The following RYR1 variants were observed in gnomAD, a reference collection of about 807,000 sequenced individuals.
RYR1 encodes central core disease of muscle.
Under a neutral mutation model 583.5 loss-of-function variants are expected in RYR1, and 342 were observed. The ratio of observed to expected loss-of-function variants is 0.59; its 90% CI spans 0.54 to 0.64. The LOEUF (loss-of-function observed/expected upper bound fraction) is 0.64. RYR1 is among the 30% of genes least tolerant of loss of function. RYR1 has a pLI of 0.00. For synonymous variants in RYR1, 2,791 were observed against 2,822.5 expected, an observed-to-expected ratio of 0.99 and a Z score of 0.35; for missense variants, 6,032 against 6,917.2, an observed-to-expected ratio of 0.87 and a Z score of 4.54.
In RYR1 at chr19:38,565,934, C is replaced by T. The variant is rs1158862411; in HGVS notation, c.13437+163C>T. On this transcript the variant is annotated intron_variant, in intron 91 of 105. Transcript: ENST00000359596. The surrounding 1 kb of genome is among the most constrained non-coding windows in gnomAD (Gnocchi z 4.7). ...CCATGGAGGACGCACACGGGGACAG[C>T]GGGCGCCGGGCAAGAGAGACGCTCA... is the stretch of plus-strand genomic sequence containing the variant. Among the ~76,000 whole-genome samples, 3 of 151,942 alleles carry T rather than the reference C, an allele frequency of 2.0e-5. No individual in the cohort carries two copies. The South Asian group carries it at 6.2e-4, about 32-fold the overall frequency.
chr19:38,480,385 C>G (rs1968950308), intron 31 of RYR1, among the ~76,000 whole-genome samples: 1 of 152,068 alleles, frequency 6.6e-6, no homozygotes, highest in Non-Finnish European at 1.5e-5. Context: ...CTCAAGCAAT[C>G]CTCCTGCCTC....
intron 101 of RYR1, among the ~76,000 whole-genome samples, chr19:38,581,299 G>T (rs950972639): frequency 3.3e-5 from 5 of 152,016 alleles, no homozygotes; most frequent in African/African-American, 1.2e-4. Context: ...GGATGGTCTC[G>T]ATCTCCTGAC....
chr19:38,442,598 C>G (rs185861623), intron 3 of RYR1, 145 bp downstream of exon 3: 5 of 652,552 alleles, frequency 7.7e-6, no homozygotes, highest in South Asian at 1.7e-5. Flanking sequence ...CCCTGCCCCC[C>G]ACAGGCCCTC....
At chr19:38,440,724 C>T (rs375875517) in intron 1 of RYR1, 21 bp from the exon 2 acceptor site, 11 of 1,603,454 alleles carry the variant, frequency 6.9e-6, no homozygotes, top group South Asian at 4.4e-5. Flanking sequence ...CCCCTGGAGA[C>T]GCTGCCCCTC....
At position 38,442,426 on chromosome 19, in the gene RYR1, G is replaced by A; in HGVS notation, c.243G>A (p.Leu81=). Residue 81 remains leucine, a synonymous_variant, in exon 3 of 106, where the codon CTG becomes CTA. Coordinates refer to ENST00000359596, the MANE Select transcript of RYR1 (RefSeq NM_000540.3). The stretch of plus-strand genomic sequence containing the variant: ...CTGTGCGAGCCCTGCAGGAGATGCT[G>A]GCTAACACGGTGGAGGCTGGCGTGG... ...SLSVRALQEM[L]ANTVEAGVES... The A allele has an allele frequency of 6.2e-7, 1 of 1,613,586 alleles. No individual in the cohort carries two copies.
intron 96 of RYR1, among the ~76,000 whole-genome samples, chr19:38,574,391 G>C (rs557658650): frequency 6.2e-4 from 94 of 152,144 alleles, no homozygotes; most frequent in African/African-American, 2.1e-3. Context: ...GCTGAGGCAG[G>C]AGGATCCCTT....
At chr19:38,454,207 T>C (rs961086905) in intron 13 of RYR1, among the ~76,000 whole-genome samples, 2 of 152,140 alleles carry the variant, frequency 1.3e-5, no homozygotes, top group Admixed American at 1.3e-4. Flanking sequence ...GCCTGGCTAA[T>C]TTTTGTATTT....
chr19:38,490,035 C>A, intron 35 of RYR1, 41 bp from the exon 36 acceptor site: 1 of 1,597,858 alleles, frequency 6.3e-7, no homozygotes, highest in South Asian at 1.1e-5. Flanking sequence ...TCCTGATGGT[C>A]TCACCTCCAT....
chr19:38,523,881 C>G (rs1196800580), intron 69 of RYR1, 34 bp from the exon 70 acceptor site: 5 of 1,613,912 alleles, frequency 3.1e-6, no homozygotes, highest in Non-Finnish European at 3.4e-6. Context: ...CTGGGGTAAC[C>G]CTTCTTGTCT....
At chr19:38,585,886 G>A in intron 102 of RYR1, 52 bp from the exon 103 acceptor site, 1 of 1,606,918 alleles carries the variant, frequency 6.2e-7, no homozygotes, top group Non-Finnish European at 8.5e-7. Flanking sequence ...GGAGAGGGGG[G>A]AGTCTGAACC....
At chr19:38,540,061 A>T (rs988287062) in intron 84 of RYR1, among the ~76,000 whole-genome samples, 1 of 152,258 alleles carries the variant, frequency 6.6e-6, no homozygotes, top group African/African-American at 2.4e-5. Context: ...TGTTGAGCCA[A>T]CCTGATAGAG....
rs373919284 is a variant in RYR1 at position 38,578,027 on chromosome 19, C to T, written c.14282C>T (p.Pro4761Leu). The change falls in exon 98 of 106, where the codon CCG becomes CTG. Residue 4761 changes from proline (P) to leucine (L), a missense_variant. Around this residue, in one of 11 missense-constraint regions of RYR1, gnomAD observed 188 missense variants for 215.6 expected, o/e 0.87. Transcript: ENST00000359596. ...GCCCACAATGAGCGCAAGCCCAACC[C>T]GCCGCCAGGGCTGCTGACCTGGTGA... ...ITAHNERKPN[P>L]PPGLLTWLMS... 29 of 1,613,994 alleles carry T rather than the reference C, an allele frequency of 1.8e-5. No homozygotes were observed. The highest frequency in any genetic ancestry group is 5.5e-5 in the South Asian group (5 of 91,086).
chr19:38,586,340 GC>G (rs1204237533), intron 104 of RYR1, 149 bp downstream of exon 104: 3 of 1,101,028 alleles, frequency 2.7e-6, no homozygotes, highest in African/African-American at 3.1e-5. Flanking sequence ...TAAGGGTGGG[GC>G]CCCGCAAGAT....
chr19:38,583,214 T>C (rs984366366), intron 101 of RYR1, among the ~76,000 whole-genome samples: 1 of 151,654 alleles, frequency 6.6e-6, no homozygotes, highest in Non-Finnish European at 1.5e-5. Flanking sequence ...GGAGAATCTC[T>C]TGAACCCCGG....
intron 89 of RYR1, among the ~76,000 whole-genome samples, chr19:38,553,168 C>G (rs764126869): frequency 1.3e-5 from 2 of 148,568 alleles, no homozygotes; most frequent in Non-Finnish European, 3.0e-5. Context: ...CTCCCCATCT[C>G]TACTAAAAAT....
intron 39 of RYR1, among the ~76,000 whole-genome samples, chr19:38,494,972 C>G (rs1372094513): frequency 6.6e-6 from 1 of 151,742 alleles, no homozygotes; most frequent in Non-Finnish European, 1.5e-5. Context: ...CCTGTCTCAG[C>G]CTCCCAAGTA....
intron 21 of RYR1, 45 bp downstream of exon 21, chr19:38,463,572 G>A: frequency 6.3e-7 from 1 of 1,581,094 alleles, no homozygotes. Flanking sequence ...TAGACTTGCG[G>A]TGCCAGGAGG....
chr19:38,438,667 C>T (rs1290670706), intron 1 of RYR1, among the ~76,000 whole-genome samples: 2 of 132,266 alleles, frequency 1.5e-5, no homozygotes, highest in African/African-American at 2.9e-5. Context: ...CACCCAGGCT[C>T]GAGTTCAGTG....
rs201629205 is a variant in RYR1 at position 38,573,239 on chromosome 19, G to A, written c.14061G>A (p.Leu4687=). 237 of 1,614,026 alleles carry A rather than the reference G, an allele frequency of 1.5e-4. 3 individuals carry two copies. The East Asian group carries it at 3.2e-3, about 22-fold the overall frequency. Reference sequence around the variant, plus strand: ...CCCGGAAGCTGGAGTTTGATGGCCTGTACATCACGGAGCAGCCTGAGGACG... The same window carrying A: ...CCCGGAAGCTGGAGTTTGATGGCCTATACATCACGGAGCAGCCTGAGGACG... ...ELARKLEFDG[L]YITEQPEDDD... is the part of the protein sequence containing the mutation. Residue 4687 remains leucine (L), a synonymous_variant, in exon 96 of 106, where the codon CTG becomes CTA. Transcript: ENST00000359596.
Sources: gnomAD v4.1 joint callset for allele counts (sites outside exome capture counted in the v4.1 genomes callset) on GRCh38, gnomAD v4.1.1 for gene constraint, gnomAD v4.1.1 regional missense constraint, Gnocchi (gnomAD v3.1) non-coding constraint, MANE v1.5 for transcripts, NCBI Gene and HGNC (gene_info 2026-07-23, HGNC 2026-07-21) for gene names.